Variants in CNTLN observed in about 807,000 individuals in gnomAD.
CNTLN encodes centlein.
In CNTLN, 212 loss-of-function variants were observed where a neutral mutation model predicts 180.0. The ratio of observed to expected loss-of-function variants is 1.18; its 90% CI spans 1.05 to 1.32. CNTLN has a LOEUF of 1.32. Among genes scored for constraint, CNTLN ranks in the 40% most tolerant of loss-of-function variants. The probability of loss-of-function intolerance (pLI) is 0.00; values close to 1 mark genes in which losing one functional copy is unlikely to be tolerated. For synonymous variants in CNTLN, 722 were observed against 563.1 expected (o/e 1.28, Z -3.99); for missense variants, 2,095 against 1,610.9 (o/e 1.30, Z -5.14).
chr9:17,278,202 G>C (rs1828437114), intron 6 of CNTLN, among the ~76,000 whole-genome samples: 1 of 152,102 alleles, frequency 6.6e-6, no homozygotes, highest in South Asian at 2.1e-4. Flanking sequence ...ACAAGGAGCA[G>C]TATAACTAGT....
intron 7 of CNTLN, 39 bp from the exon 8 acceptor site, chr9:17,309,019 T>C: frequency 7.4e-7 from 1 of 1,349,574 alleles, no homozygotes. Context: ...CATAGTTTTA[T>C]TGATTATTAA....
chr9:17,408,128 CAAA>C (rs34374959), intron 15 of CNTLN, among the ~76,000 whole-genome samples: 1 of 59,068 alleles, frequency 1.7e-5, no homozygotes, highest in Non-Finnish European at 2.7e-5. Flanking sequence ...GACTCTGTCT[CAAA>C]AAAAAAAAAA....
At position 17,464,590 on chromosome 9, in the gene CNTLN, T is replaced by A; in HGVS notation, c.3498T>A (p.Ser1166Arg). Residue 1166 changes from serine (S) to arginine (R), a missense_variant, in exon 21 of 26, where the codon AGT (serine) becomes AGA (arginine). Ser to Arg is a moderately radical substitution (Grantham distance 110). Transcript: ENST00000380647. ...RQKVNLESNK[S>R]FSEMLQNLDK... ...AAGTAAATTTGGAAAGTAACAAGAG[T>A]TTTAGTGAAATGTTACAAAATCTTG... 1 of 1,495,990 alleles carries A rather than the reference T, an allele frequency of 6.7e-7. No individual in the cohort carries two copies. Among genetic ancestry groups the A allele is most frequent in the Non-Finnish European group, 8.9e-7 (1 of 1,120,036 alleles). The allele number at this position is 1,495,990 out of a possible 1,614,324, so 92.7% of individuals were successfully genotyped here.
chr9:17,380,417 C>A (rs1825145479), intron 13 of CNTLN, among the ~76,000 whole-genome samples: 1 of 152,152 alleles, frequency 6.6e-6, no homozygotes, highest in Non-Finnish European at 1.5e-5. Flanking sequence ...TATTGAGACA[C>A]CTGTGGTAGA....
chr9:17,281,335 T>C (rs1249716923), intron 6 of CNTLN, among the ~76,000 whole-genome samples: 1 of 152,120 alleles, frequency 6.6e-6, no homozygotes, highest in Non-Finnish European at 1.5e-5. Flanking sequence ...GCAGGTTTGT[T>C]ATGTAGGTAA....
chr9:17,149,701 TAG>T (rs1319781554), intron 2 of CNTLN, among the ~76,000 whole-genome samples: 1 of 151,870 alleles, frequency 6.6e-6, no homozygotes, highest in Non-Finnish European at 1.5e-5. Flanking sequence ...GTATTTTTAG[TAG>T]AGACGGGGTT....
At chr9:17,434,029 G>A (rs535859857) in intron 18 of CNTLN, among the ~76,000 whole-genome samples, 10 of 152,238 alleles carry the variant, frequency 6.6e-5, no homozygotes, top group African/African-American at 2.4e-4. Flanking sequence ...CTTATATTCT[G>A]GGGGTAAACT....
intron 15 of CNTLN, among the ~76,000 whole-genome samples, chr9:17,407,451 C>T (rs1253834170): frequency 6.6e-6 from 1 of 152,084 alleles, no homozygotes; most frequent in African/African-American, 2.4e-5. Flanking sequence ...TTGTGATTAA[C>T]ATGACGTTGA....
chr9:17,278,954 T>A (rs1024992513), intron 6 of CNTLN, among the ~76,000 whole-genome samples: 3 of 152,164 alleles, frequency 2.0e-5, no homozygotes, highest in Non-Finnish European at 4.4e-5. Context: ...TTTTTTCATA[T>A]AATGAAACAA....
chr9:17,425,147 A>G lies in CNTLN; in HGVS notation c.3114+8958A>G, dbSNP rs142598181. Among the ~76,000 whole-genome samples, 494 of 152,296 alleles carry G rather than the reference A, an allele frequency of 3.2e-3. 7 individuals carry two copies. Among genetic ancestry groups the G allele is most frequent in the African/African-American group, 0.011 (472 of 41,560 alleles). On this transcript the variant is annotated intron_variant, in intron 18 of 25. Transcript: ENST00000380647. ...TGATTATCTCTCAATGTTTGTTTAA[A>G]TAACAAAATTGGTTTCAAGAGTTGT...
intron 18 of CNTLN, among the ~76,000 whole-genome samples, chr9:17,420,440 C>G (rs1335192276): frequency 6.6e-6 from 1 of 151,850 alleles, no homozygotes; most frequent in Admixed American, 6.6e-5. Flanking sequence ...TATTATTTGT[C>G]TTCTCTTTTT....
chr9:17,390,164 C>G (rs1825985082), intron 14 of CNTLN, among the ~76,000 whole-genome samples: 1 of 151,312 alleles, frequency 6.6e-6, no homozygotes. Context: ...TATGGCAAAC[C>G]TAGCAAACTA....
In CNTLN at chr9:17,226,355, T is replaced by G. The variant is rs570875210; in HGVS notation, c.534+68T>G. ...TTGGGTAGTAGATCTTCAAAATTAT[T>G]TTTATTTTTTTGCAATAGTGTTTAT... On this transcript the variant is annotated intron_variant, in intron 3 of 25. Transcript: ENST00000380647. The G allele has an allele frequency of 4.6e-6, 4 of 865,988 alleles. No homozygotes were observed. The East Asian group carries it at 1.2e-4, about 26-fold the overall frequency. The allele number at this position is 865,988 out of a possible 1,614,324, so 53.6% of individuals were successfully genotyped here.
At chr9:17,354,883 C>A (rs967824361) in intron 12 of CNTLN, among the ~76,000 whole-genome samples, 2 of 152,048 alleles carry the variant, frequency 1.3e-5, no homozygotes, top group African/African-American at 4.8e-5. Context: ...GCTGTAACAC[C>A]GCCAAGATCT....
chr9:17,201,608 C>G (rs1168402950), intron 2 of CNTLN, among the ~76,000 whole-genome samples: 1 of 152,112 alleles, frequency 6.6e-6, no homozygotes, highest in Non-Finnish European at 1.5e-5. Flanking sequence ...TCTAGATTTT[C>G]TAGTTTTTTT....
At chr9:17,457,485 A>G in intron 18 of CNTLN, 39 bp from the exon 19 acceptor site, 1 of 1,104,230 alleles carries the variant, frequency 9.1e-7, no homozygotes, top group Non-Finnish European at 1.2e-6. Context: ...AGTTACTTTT[A>G]AAATATATTT....
chr9:17,293,215 C>G (rs1817520987), intron 6 of CNTLN, among the ~76,000 whole-genome samples: 1 of 152,246 alleles, frequency 6.6e-6, no homozygotes, highest in Non-Finnish European at 1.5e-5. Flanking sequence ...TATAAGTTAT[C>G]TGGCAACCCC....
At chr9:17,436,334 G>A (rs1232239562) in intron 18 of CNTLN, among the ~76,000 whole-genome samples, 1 of 152,154 alleles carries the variant, frequency 6.6e-6, no homozygotes, top group Non-Finnish European at 1.5e-5. Flanking sequence ...TTTCGGCAAT[G>A]GCAATCTTAA....
chr9:17,192,242 T>G (rs1395214205), intron 2 of CNTLN, among the ~76,000 whole-genome samples: 2 of 138,746 alleles, frequency 1.4e-5, no homozygotes, highest in Admixed American at 7.1e-5. Context: ...CCCTATTCTT[T>G]TTTTTTTTTT....
Sources: allele counts gnomAD v4.1 joint callset (sites outside exome capture counted in the v4.1 genomes callset), GRCh38; gene constraint gnomAD v4.1.1; transcripts MANE v1.5; gene names NCBI Gene and HGNC (gene_info 2026-07-23, HGNC 2026-07-21).